The following USP34 variants were observed in gnomAD, a reference collection of about 807,000 sequenced individuals.
USP34 encodes ubiquitin carboxyl-terminal hydrolase 34.
In USP34, 70 loss-of-function variants were observed where a neutral mutation model predicts 460.3. That is an observed-to-expected ratio of 0.15 (90% CI 0.13 to 0.19). The LOEUF (loss-of-function observed/expected upper bound fraction) is 0.19. Among genes scored for constraint, USP34 ranks in the 10% least tolerant of loss-of-function variants. USP34 has a pLI of 1.00. For missense variants in USP34, 3,985 were observed against 4,236.2 expected, an observed-to-expected ratio of 0.94 and a Z score of 1.65; for synonymous variants, 1,647 against 1,405.3, an observed-to-expected ratio of 1.17 and a Z score of -3.85.
Position 61,396,676 on chromosome 2 carries a change from G to A in USP34, c.553-1443C>T, listed in dbSNP as rs1376023840. ...GCTAATTTTTTGTATTTTTAGTAGAGACAGGGTTTCACCGTGTTAGCCAGG... is the reference window on the plus strand; with the variant it reads ...GCTAATTTTTTGTATTTTTAGTAGAAACAGGGTTTCACCGTGTTAGCCAGG... On this transcript the variant is annotated intron_variant, in intron 3 of 79. Coordinates refer to ENST00000398571, the MANE Select transcript of USP34 (RefSeq NM_014709.4). Among the ~76,000 whole-genome samples, 8 of 152,120 alleles carry A rather than the reference G, an allele frequency of 5.3e-5. No homozygotes were observed. In the East Asian group the frequency reaches 1.5e-3, roughly 29 times the overall value.
At chr2:61,466,984 A>G (rs1695782770) in intron 1 of USP34, among the ~76,000 whole-genome samples, 1 of 152,046 alleles carries the variant, frequency 6.6e-6, no homozygotes, top group Non-Finnish European at 1.5e-5. Flanking sequence ...ATTTCACAAG[A>G]AACAGTGTTT....
Position 61,227,146 on chromosome 2 carries a change from C to G in USP34, c.7516G>C (p.Glu2506Gln), listed in dbSNP as rs992357713. 6 of 1,613,906 alleles carry G rather than the reference C, an allele frequency of 3.7e-6. No individual in the cohort carries two copies. The African/African-American group carries it at 8.0e-5, about 22-fold the overall frequency. Residue 2506 changes from glutamate to glutamine, a missense_variant, in exon 62 of 80, where the codon GAA becomes CAA. Physicochemically the swap from Glu to Gln is conservative, Grantham distance 29. Transcript: ENST00000398571. ...AGGGCAGCTGGCCTGTATTTTTCTT[C>G]TGCCAGAGAGAGGATATCTTCTTCC... ...EEEEDILSLA[E>Q]EKYRPAALEK...
rs1340944357 is a variant in USP34, at chr2:61,470,523, C to T, written c.43+127G>A. 5 of 400,688 alleles carry T rather than the reference C, an allele frequency of 1.2e-5. No individual in the cohort carries two copies. The East Asian group carries it at 3.0e-4, about 24-fold the overall frequency. 24.8% of individuals were successfully genotyped at this position (400,688 alleles called of 1,614,324 possible). On this transcript the variant is annotated intron_variant, in intron 1 of 79. Coordinates refer to ENST00000398571, the MANE Select transcript of USP34 (RefSeq NM_014709.4). ...CGCGCCACCGCGCACCTTCCCGGGG[C>T]GCTAGGCCCGCACGCCGCCCGGCCC... is the stretch of plus-strand genomic sequence containing the variant.
chr2:61,413,367 G>A (rs913715342), intron 2 of USP34, among the ~76,000 whole-genome samples: 18 of 151,686 alleles, frequency 1.2e-4, no homozygotes, highest in African/African-American at 4.1e-4. Context: ...CTCCATCCTG[G>A]CAATACAGTG....
At chr2:61,327,991 G>A (rs548384615) in intron 20 of USP34, among the ~76,000 whole-genome samples, 2 of 152,250 alleles carry the variant, frequency 1.3e-5, no homozygotes, top group South Asian at 2.1e-4. Flanking sequence ...CAGGAAACAC[G>A]TAATATGTCC....
chr2:61,208,318 G>A (rs996618065), intron 70 of USP34: 3 of 152,188 alleles, frequency 2.0e-5, no homozygotes, highest in African/African-American at 7.2e-5. Flanking sequence ...GCCTTGCTTT[G>A]GGTTGTCTCT....
At chr2:61,376,922 C>T (rs537233800) in intron 8 of USP34, among the ~76,000 whole-genome samples, 1 of 152,296 alleles carries the variant, frequency 6.6e-6, no homozygotes, top group South Asian at 2.1e-4. Flanking sequence ...GGGATACAGG[C>T]GTGAGCCACT....
At chr2:61,415,720 T>C (rs1694174997) in intron 2 of USP34, among the ~76,000 whole-genome samples, 1 of 152,244 alleles carries the variant, frequency 6.6e-6, no homozygotes, top group African/African-American at 2.4e-5. Flanking sequence ...TTAAACTCTG[T>C]ATTACTTATG....
chr2:61,383,302 T>C lies in USP34; in HGVS notation c.788A>G (p.Gln263Arg), dbSNP rs745353567. The change falls in exon 6 of 80, where the codon CAG becomes CGG. Residue 263 changes from glutamine to arginine, a missense_variant. Gln to Arg is a conservative substitution (Grantham distance 43). This residue lies in a region of USP34 where 70 missense variants were observed against 109.5 expected (regional missense o/e 0.64). Coordinates refer to ENST00000398571, the MANE Select transcript of USP34 (RefSeq NM_014709.4). ...ATAGGTCCTAAAAGGTATAATGTGC[T>C]GCATGACAGCGGGAATATGTAGCCA... is the stretch of plus-strand genomic sequence containing the variant. ...RIWLHIPAVM[Q>R]HIIPFRTYVI... 1.9e-6 allele frequency: 3 copies of C among 1,605,974 alleles called. No homozygotes were observed. The South Asian group carries it at 3.3e-5, about 18-fold the overall frequency.
intron 10 of USP34, among the ~76,000 whole-genome samples, chr2:61,363,918 A>T (rs1055213663): frequency 1.3e-5 from 2 of 152,256 alleles, no homozygotes; most frequent in Non-Finnish European, 2.9e-5. Context: ...CACTATCTGT[A>T]CGCAAAACAT....
At chr2:61,263,726 C>G (rs924002516) in intron 43 of USP34, among the ~76,000 whole-genome samples, 1 of 152,016 alleles carries the variant, frequency 6.6e-6, no homozygotes, top group Non-Finnish European at 1.5e-5. Context: ...TCGTGATCCA[C>G]CGACCTCTGC....
intron 10 of USP34, among the ~76,000 whole-genome samples, chr2:61,352,743 A>T (rs762862974): frequency 6.6e-6 from 1 of 152,024 alleles, no homozygotes; most frequent in Non-Finnish European, 1.5e-5. Flanking sequence ...TACACAAAAA[A>T]TATTATTAAG....
chr2:61,462,756 G>A (rs1695642048), intron 1 of USP34, among the ~76,000 whole-genome samples: 1 of 151,736 alleles, frequency 6.6e-6, no homozygotes, highest in Non-Finnish European at 1.5e-5. Flanking sequence ...AGCTACTTGG[G>A]AGGGTGAGGC....
chr2:61,223,467 T>C, intron 62 of USP34, 171 bp from the exon 63 acceptor site: 1 of 637,936 alleles, frequency 1.6e-6, no homozygotes, highest in Non-Finnish European at 2.7e-6. Flanking sequence ...GGGCAACTTT[T>C]CAACATTCCA....
intron 48 of USP34, among the ~76,000 whole-genome samples, chr2:61,255,388 T>A (rs1253672787): frequency 6.6e-6 from 1 of 152,202 alleles, no homozygotes; most frequent in Admixed American, 6.5e-5. Flanking sequence ...GCCAACTGCC[T>A]GCAGGACCTT....
intron 6 of USP34, among the ~76,000 whole-genome samples, chr2:61,381,759 C>CTATGGTTT (rs1166102221): frequency 6.6e-6 from 1 of 152,140 alleles, no homozygotes; most frequent in Admixed American, 6.5e-5. Flanking sequence ...CAGGTGACTC[C>CTATGGTTT]TATGGTTTTT....
Position 61,221,549 on chromosome 2 carries a change from G to T in USP34, c.7852C>A (p.Pro2618Thr), listed in dbSNP as rs763955445. ...TAAGATGCAAAGGGAGGCATTCCTG[G>T]AGGTCCACCAGCAAACTCCATTAGC... ...TMLMEFAGGP[P>T]GMPPFASYIL... The change falls in exon 66 of 80, where the codon CCA becomes ACA. Residue 2618 changes from proline to threonine, a missense_variant. Transcript: ENST00000398571. The T allele has an allele frequency of 3.1e-6, 5 of 1,614,112 alleles. No individual in the cohort carries two copies. The highest frequency in any genetic ancestry group is 4.2e-6 in the Non-Finnish European group (5 of 1,179,978).
At position 61,420,758 on chromosome 2, in the gene USP34, G is replaced by C; in HGVS notation, c.119C>G (p.Ser40Cys). The change falls in exon 2 of 80, where the codon TCC becomes TGC. Residue 40 changes from serine (S) to cysteine (C), a missense_variant. Coordinates refer to ENST00000398571, the MANE Select transcript of USP34 (RefSeq NM_014709.4). Reference sequence around the variant, plus strand: ...TAAAGATGCATACCTCTGTGTCCAGGAATTGATATAAGTAAATATTTTGAG... The same window carrying C: ...TAAAGATGCATACCTCTGTGTCCAGCAATTGATATAAGTAAATATTTTGAG... ...HTLKIFTYIN[S>C]WTQRQCLCCF... 1 of 1,609,264 alleles carries C rather than the reference G, an allele frequency of 6.2e-7. No homozygotes were observed. The highest frequency in any genetic ancestry group is 8.5e-7 in the Non-Finnish European group (1 of 1,177,568).
intron 67 of USP34, among the ~76,000 whole-genome samples, chr2:61,215,743 AATAACT>A (rs1687378164): frequency 6.6e-6 from 1 of 152,214 alleles, no homozygotes; most frequent in Admixed American, 6.5e-5. Flanking sequence ...CAATAATAGT[AATAACT>A]ATAATAAGAA....
Sources: allele counts gnomAD v4.1 joint callset (sites outside exome capture counted in the v4.1 genomes callset), GRCh38; gene constraint gnomAD v4.1.1; regional missense constraint gnomAD v4.1.1; transcripts MANE v1.5; gene names NCBI Gene and HGNC (gene_info 2026-07-23, HGNC 2026-07-21).